CDCA7L: variants seen among roughly 807,000 people sequenced by gnomAD.
The protein encoded by CDCA7L is cell division cycle associated 7 like.
CDCA7L carries 44 observed loss-of-function variants against 57.4 expected under a neutral mutation model. The ratio of observed to expected loss-of-function variants is 0.77; its 90% CI spans 0.60 to 0.98. CDCA7L has a LOEUF of 0.98. CDCA7L is among the 50% of genes least tolerant of loss of function. The pLI is 0.00. For missense variants in CDCA7L, 644 were observed against 580.6 expected (o/e 1.11, Z -1.12); for synonymous variants, 236 against 202.8 (o/e 1.16, Z -1.39).
At chr7:21,903,991 G>C (rs554472437) in intron 8 of CDCA7L, 119 bp downstream of exon 8, 2 of 929,920 alleles carry the variant, frequency 2.2e-6, no homozygotes, top group Non-Finnish European at 1.5e-6. Context: ...GATACAAATG[G>C]AAGGGAAAAA....
intron 1 of CDCA7L, among the ~76,000 whole-genome samples, chr7:21,939,655 G>T (rs1786280724): frequency 6.6e-6 from 1 of 152,132 alleles, no homozygotes; most frequent in Non-Finnish European, 1.5e-5. Flanking sequence ...TTCCAACAAG[G>T]TGCAACTGAC....
rs148618798 is a variant in CDCA7L, at chr7:21,907,458, T to C, written c.681+672A>G. 1.8e-3 allele frequency among the ~76,000 whole-genome samples: 272 copies of C among 152,144 alleles called. 2 individuals carry two copies. The highest frequency in any genetic ancestry group is 6.3e-3 in the African/African-American group (261 of 41,504). On this transcript the variant is annotated intron_variant, in intron 4 of 9. Coordinates refer to ENST00000406877, the MANE Select transcript of CDCA7L (RefSeq NM_018719.5). The stretch of plus-strand genomic sequence containing the variant: ...CCAAAATGCTAAAAGGGATAAGTGG[T>C]AGAACTATTTAAAAAAAAACTGTAG...
At chr7:21,912,836 T>A (rs1476368108) in intron 2 of CDCA7L, among the ~76,000 whole-genome samples, 1 of 152,218 alleles carries the variant, frequency 6.6e-6, no homozygotes, top group Non-Finnish European at 1.5e-5. Context: ...TGTGACTCTT[T>A]AAGAAAAGGC....
In CDCA7L at chr7:21,916,793, C is replaced by G. The variant is rs370547386; in HGVS notation, c.126G>C (p.Glu42Asp). The change falls in exon 2 of 10, where the codon GAG becomes GAC. Residue 42 changes from glutamate to aspartate, a missense_variant. Transcript: ENST00000406877. ...DVPMETLSSE[E>D]SCDSFDSLES... ...CTAGTGAGTCAAAACTATCGCAGCT[C>G]TCCTCTGACGAGAGGGTTTCCATGG... The G allele has an allele frequency of 1.2e-6, 2 of 1,613,916 alleles. No homozygotes were observed. Among genetic ancestry groups the G allele is most frequent in the African/African-American group, 2.7e-5 (2 of 74,904 alleles).
chr7:21,905,584 C>A lies in CDCA7L; in HGVS notation c.969G>T (p.Arg323=). Residue 323 remains arginine (R), a synonymous_variant, in exon 7 of 10, where the codon CGG becomes CGT. Coordinates refer to ENST00000406877, the MANE Select transcript of CDCA7L (RefSeq NM_018719.5). ...CCTCTTCGGTGATATCCTCCACTGG[C>A]CGAAAAGAAGATATACGGTGACGTC... is the stretch of plus-strand genomic sequence containing the variant. ...YRRRHRISSF[R]PVEDITEEDL... 1 of 1,613,984 alleles carries A rather than the reference C, an allele frequency of 6.2e-7. No homozygotes were observed. Among genetic ancestry groups the A allele is most frequent in the Non-Finnish European group, 8.5e-7 (1 of 1,179,998 alleles).
At chr7:21,933,704 C>T (rs759132697) in intron 1 of CDCA7L, among the ~76,000 whole-genome samples, 8 of 151,742 alleles carry the variant, frequency 5.3e-5, no homozygotes, top group Non-Finnish European at 1.0e-4. Flanking sequence ...CTAATGTAGA[C>T]GACGGGTTAA....
intron 1 of CDCA7L, among the ~76,000 whole-genome samples, chr7:21,928,647 C>A (rs1785899645): frequency 6.6e-6 from 1 of 151,588 alleles, no homozygotes; most frequent in East Asian, 1.9e-4. Flanking sequence ...ACGAAAACTT[C>A]ATGAAGCATA....
At chr7:21,902,380 A>G in intron 9 of CDCA7L, 28 bp from the exon 10 acceptor site, 1 of 1,604,734 alleles carries the variant, frequency 6.2e-7, no homozygotes, top group Non-Finnish European at 8.5e-7. Flanking sequence ...AGTATTTGGT[A>G]AAGTAGTACA....
intron 1 of CDCA7L, among the ~76,000 whole-genome samples, chr7:21,931,397 A>C (rs1453367487): frequency 6.6e-6 from 1 of 152,220 alleles, no homozygotes; most frequent in African/African-American, 2.4e-5. Flanking sequence ...TGGCAAACCA[A>C]ATCCAGCAGC....
chr7:21,902,456 CA>C (rs1302662360), intron 9 of CDCA7L, 104 bp from the exon 10 acceptor site: 1 of 1,106,194 alleles, frequency 9.0e-7, no homozygotes, highest in East Asian at 2.4e-5. Context: ...AGCCAGAACC[CA>C]GATCTCCTGA....
chr7:21,910,348 C>T (rs1374990911), intron 3 of CDCA7L, among the ~76,000 whole-genome samples: 1 of 152,160 alleles, frequency 6.6e-6, no homozygotes, highest in African/African-American at 2.4e-5. Flanking sequence ...GACCTGGGGC[C>T]TCCAGGCTGG....
rs182456646 is a variant in CDCA7L at position 21,915,627 on chromosome 7, A to G, written c.165+1127T>C. On this transcript the variant is annotated intron_variant, in intron 2 of 9. Transcript: ENST00000406877. Reference sequence around the variant, plus strand: ...AGCCTGGCCAATATGGCAAAACCCCATCACTACTAAAAAAAAAAAAAAAAA... The same window carrying G: ...AGCCTGGCCAATATGGCAAAACCCCGTCACTACTAAAAAAAAAAAAAAAAA... Among the ~76,000 whole-genome samples the G allele has an allele frequency of 4.0e-4, 48 of 121,082 alleles. No individual in the cohort carries two copies. In the Middle Eastern group the frequency reaches 0.013, roughly 33 times the overall value. 79.4% of individuals were successfully genotyped at this position (121,082 alleles called of 152,430 possible). A position where few individuals can be genotyped will look rare whatever the true frequency, so the allele number is the denominator to read the frequency against.
At chr7:21,919,987 G>C (rs1290978190) in intron 1 of CDCA7L, among the ~76,000 whole-genome samples, 2 of 152,194 alleles carry the variant, frequency 1.3e-5, no homozygotes, top group Non-Finnish European at 2.9e-5. Flanking sequence ...GTCCTTAACA[G>C]TTGAGACTTA....
chr7:21,938,329 A>C (rs375470579), intron 1 of CDCA7L, among the ~76,000 whole-genome samples: 4 of 152,314 alleles, frequency 2.6e-5, no homozygotes, highest in East Asian at 3.9e-4. Flanking sequence ...GGGAAATGCA[A>C]AACAAAACCA....
Position 21,902,222 on chromosome 7 carries a change from T to TA in CDCA7L, c.*99dup. 1 of 1,127,396 alleles carries TA rather than the reference T, an allele frequency of 8.9e-7. No individual in the cohort carries two copies. Among genetic ancestry groups the TA allele is most frequent in the Non-Finnish European group, 1.3e-6 (1 of 757,466 alleles). The allele number at this position is 1,127,396 out of a possible 1,614,324, so 69.8% of individuals were successfully genotyped here. Reference sequence around the variant, plus strand: ...GTAATTTCTACAAAGAATTTCTGTATAAAAACACAACTGTAAAAAAATCTT... The same window carrying TA: ...GTAATTTCTACAAAGAATTTCTGTATAAAAAACACAACTGTAAAAAAATCTT... On this transcript the variant is annotated 3_prime_UTR_variant, in exon 10 of 10. Transcript: ENST00000406877.
rs138934356 is a variant in CDCA7L at position 21,928,885 on chromosome 7, C to G, written c.25-11991G>C. Among the ~76,000 whole-genome samples the G allele has an allele frequency of 2.4e-3, 372 of 152,166 alleles. 5 individuals are homozygous for G. The East Asian group carries it at 0.026, about 11-fold the overall frequency. On this transcript the variant is annotated intron_variant, in intron 1 of 9. Coordinates refer to ENST00000406877, the MANE Select transcript of CDCA7L (RefSeq NM_018719.5). ...GAACCAAATTGGAAAACACTCTGCA[C>G]GATATTATCCAGGAGAACTTCCCCA...
chr7:21,932,164 A>C (rs1292007159), intron 1 of CDCA7L, among the ~76,000 whole-genome samples: 1 of 152,224 alleles, frequency 6.6e-6, no homozygotes, highest in African/African-American at 2.4e-5. Context: ...AAACAAACAA[A>C]TGGAAAAATA....
intron 1 of CDCA7L, among the ~76,000 whole-genome samples, chr7:21,944,323 C>T (rs1365236663): frequency 6.7e-6 from 1 of 150,128 alleles, no homozygotes; most frequent in Non-Finnish European, 1.5e-5. Context: ...TGGTGGCGGG[C>T]GCCTGTAATC....
chr7:21,917,026 C>G, intron 1 of CDCA7L, 132 bp from the exon 2 acceptor site: 2 of 977,858 alleles, frequency 2.0e-6, no homozygotes, highest in Non-Finnish European at 1.5e-6. Flanking sequence ...CCCCAGTAAC[C>G]CTCAGCAAAA....
Sources: gnomAD v4.1 joint callset for allele counts (sites outside exome capture counted in the v4.1 genomes callset) on GRCh38, gnomAD v4.1.1 for gene constraint, MANE v1.5 for transcripts, NCBI Gene and HGNC (gene_info 2026-07-23, HGNC 2026-07-21) for gene names.